The following FAM185A variants were observed in gnomAD, a reference collection of about 807,000 sequenced individuals.
The protein encoded by FAM185A is family with sequence similarity 185 member A.
A neutral mutation model predicts 45.7 loss-of-function variants in FAM185A; 21 were observed. The observed-to-expected ratio is 0.46, with a 90% CI of 0.33 to 0.66. The LOEUF (loss-of-function observed/expected upper bound fraction) is 0.66, where lower values mean the gene tolerates loss of function less well. FAM185A is among the 30% of genes least tolerant of loss of function. FAM185A has a pLI of 0.03. For synonymous variants in FAM185A, 117 were observed against 194.0 expected (o/e 0.60, Z 3.30); for missense variants, 305 against 485.4 (o/e 0.63, Z 3.49).
In FAM185A at chr7:102,776,099, TAC is replaced by T. The variant is rs1360377462; in HGVS notation, c.836-1138_836-1137del. 6.6e-5 allele frequency among the ~76,000 whole-genome samples: 7 copies of T among 106,588 alleles called. 1 individual carries two copies. Among genetic ancestry groups the T allele is most frequent in the African/African-American group, 2.1e-4 (4 of 19,190 alleles). The allele number at this position is 106,588 out of a possible 152,430, so 69.9% of individuals were successfully genotyped here. On this transcript the variant is annotated intron_variant, in intron 5 of 7. Coordinates refer to ENST00000413034, the MANE Select transcript of FAM185A (RefSeq NM_001145268.2). ...TTTAAAAGAAAAATGTTGGCTCCTATACACACACACACACACAAATGTTTTCT... is the reference window on the plus strand; with the variant it reads ...TTTAAAAGAAAAATGTTGGCTCCTATACACACACACACACAAATGTTTTCT...
At chr7:102,843,388 A>G in the FAM185A span, among the ~76,000 whole-genome samples, 1 of 152,226 alleles carries the variant, frequency 6.6e-6, no homozygotes, top group Non-Finnish European at 1.5e-5. Flanking sequence ...GGTTGCAGTG[A>G]GCCAACATCG....
At chr7:102,756,260 T>G (rs565817478) in intron 2 of FAM185A, among the ~76,000 whole-genome samples, 189 of 152,262 alleles carry the variant, frequency 1.2e-3, no homozygotes, top group African/African-American at 4.3e-3. Flanking sequence ...AAGACGTATA[T>G]AATGATTAAG....
At chr7:102,849,361 C>T in the FAM185A span, among the ~76,000 whole-genome samples, 1 of 152,222 alleles carries the variant, frequency 6.6e-6, no homozygotes, top group Admixed American at 6.5e-5. Flanking sequence ...CAGACACTGA[C>T]TCTGCGTGTG....
At chr7:102,844,701 A>G in the FAM185A span, among the ~76,000 whole-genome samples, 2 of 152,176 alleles carry the variant, frequency 1.3e-5, no homozygotes, top group African/African-American at 4.8e-5. Context: ...ATGTTCTACA[A>G]TTTAATTCAA....
intron 5 of FAM185A, 131 bp from the exon 6 acceptor site, chr7:102,777,122 G>C: frequency 1.2e-6 from 1 of 862,940 alleles, no homozygotes. Flanking sequence ...GCATTGTTAT[G>C]AGGAAAATAC....
At chr7:102,848,455 C>T in the FAM185A span, among the ~76,000 whole-genome samples, 1 of 92,856 alleles carries the variant, frequency 1.1e-5, no homozygotes, top group Admixed American at 9.7e-5. Context: ...ACTCGGGAGG[C>T]TGAGGCAGGA....
chr7:102,797,862 A>G (rs1584356271), intron 7 of FAM185A, among the ~76,000 whole-genome samples: 4 of 152,350 alleles, frequency 2.6e-5, no homozygotes, highest in Admixed American at 2.6e-4. Flanking sequence ...AGAATGTTAC[A>G]GGGTTAGAAG....
chr7:102,801,848 G>A (rs192996489), intron 7 of FAM185A, among the ~76,000 whole-genome samples: 1 of 151,982 alleles, frequency 6.6e-6, no homozygotes, highest in Non-Finnish European at 1.5e-5. Flanking sequence ...CTTGAACCCG[G>A]GAGGCAGAGG....
intron 7 of FAM185A, among the ~76,000 whole-genome samples, chr7:102,793,163 T>C (rs1200487473): frequency 6.6e-6 from 1 of 152,076 alleles, no homozygotes; most frequent in Non-Finnish European, 1.5e-5. Flanking sequence ...AGGGAGTTAA[T>C]GTAGGAACTG....
the FAM185A span, among the ~76,000 whole-genome samples, chr7:102,824,205 A>T: frequency 3.2e-4 from 48 of 152,338 alleles, no homozygotes; most frequent in African/African-American, 1.1e-3. Context: ...CCCAGATATA[A>T]GGTCCTGCTC....
Position 102,793,804 on chromosome 7 carries a change from C to T in FAM185A, c.1066+6335C>T, listed in dbSNP as rs544448904. The stretch of plus-strand genomic sequence containing the variant: ...CTGTAATCCCAGCACTTTGGGAAGC[C>T]GAGGTGGGTGGATCACCTAAGGTCA... On this transcript the variant is annotated intron_variant, in intron 7 of 7. Transcript: ENST00000413034. 9.3e-4 allele frequency among the ~76,000 whole-genome samples: 141 copies of T among 151,830 alleles called. 1 individual carries two copies. Among genetic ancestry groups the T allele is most frequent in the Non-Finnish European group, 5.7e-4 (39 of 67,932 alleles).
At chr7:102,781,288 G>A (rs74963729) in intron 6 of FAM185A, among the ~76,000 whole-genome samples, 1 of 152,192 alleles carries the variant, frequency 6.6e-6, no homozygotes, top group Non-Finnish European at 1.5e-5. Context: ...ACTTAAATAT[G>A]CCTGTCTGAC....
chr7:102,762,128 C>T (rs1361633804), intron 4 of FAM185A, among the ~76,000 whole-genome samples: 1 of 152,166 alleles, frequency 6.6e-6, no homozygotes, highest in East Asian at 1.9e-4. Flanking sequence ...ATTATAGCAA[C>T]TCTGATACTA....
chr7:102,772,277 C>T (rs1794792216), intron 4 of FAM185A, 132 bp from the exon 5 acceptor site: 2 of 578,530 alleles, frequency 3.5e-6, no homozygotes, highest in African/African-American at 2.2e-5. Context: ...TTTGACTGGA[C>T]TTGTGATATT....
At chr7:102,823,037 G>A in the FAM185A span, among the ~76,000 whole-genome samples, 7 of 152,108 alleles carry the variant, frequency 4.6e-5, no homozygotes, top group African/African-American at 9.7e-5. Context: ...ACTGGGTGAC[G>A]TAGCCTCAGT....
chr7:102,774,724 C>A (rs1181122510), intron 5 of FAM185A, among the ~76,000 whole-genome samples: 6 of 152,092 alleles, frequency 3.9e-5, no homozygotes, highest in African/African-American at 1.4e-4. Context: ...ATTAATATGA[C>A]CAACTATACT....
chr7:102,823,700 GT>G, the FAM185A span, among the ~76,000 whole-genome samples: 2 of 152,166 alleles, frequency 1.3e-5, no homozygotes, highest in African/African-American at 4.8e-5. Context: ...TATTTTAAAT[GT>G]TTGAACATTC....
At chr7:102,781,343 C>G (rs1298850054) in intron 6 of FAM185A, among the ~76,000 whole-genome samples, 2 of 152,222 alleles carry the variant, frequency 1.3e-5, no homozygotes, top group Non-Finnish European at 2.9e-5. Context: ...AGCTGGACAT[C>G]TGAGAATGGA....
chr7:102,834,393 T>C, the FAM185A span, among the ~76,000 whole-genome samples: 2 of 147,154 alleles, frequency 1.4e-5, no homozygotes, highest in South Asian at 2.1e-4. Context: ...TATATATATA[T>C]ATTATATGCG....
Sources: allele counts gnomAD v4.1 joint callset (sites outside exome capture counted in the v4.1 genomes callset), GRCh38; gene constraint gnomAD v4.1.1; transcripts MANE v1.5; gene names NCBI Gene and HGNC (gene_info 2026-07-23, HGNC 2026-07-21).